The following CTTNBP2 variants were observed in gnomAD, a reference collection of about 807,000 sequenced individuals.
CTTNBP2 encodes the protein cortactin-binding protein 2.
A neutral mutation model predicts 156.9 loss-of-function variants in CTTNBP2; 108 were observed. The ratio of observed to expected loss-of-function variants is 0.69; its 90% CI spans 0.59 to 0.81. The LOEUF (loss-of-function observed/expected upper bound fraction) is 0.81, where lower values mean the gene tolerates loss of function less well. CTTNBP2 is among the 30% of genes least tolerant of loss of function. The pLI is 0.00. For synonymous variants in CTTNBP2, 767 were observed against 751.8 expected (o/e 1.02, Z -0.33); for missense variants, 1,924 against 2,035.4 (o/e 0.95, Z 1.05).
intron 3 of CTTNBP2, 23 bp downstream of exon 3, chr7:117,810,742 T>G: frequency 6.3e-7 from 1 of 1,592,914 alleles, no homozygotes; most frequent in Non-Finnish European, 8.6e-7. Context: ...GTGGGGAAAA[T>G]GACCATTTGA....
At chr7:117,811,906 ATTAAAATTTTAATGT>A in intron 2 of CTTNBP2, among the ~76,000 whole-genome samples, 1 of 130,678 alleles carries the variant, frequency 7.7e-6, no homozygotes, top group South Asian at 2.3e-4. Flanking sequence ...TTTTAATTAA[ATTAAAATTTTAATGT>A]AAAAATTTTA....
intron 2 of CTTNBP2, among the ~76,000 whole-genome samples, chr7:117,855,049 T>C (rs1803203722): frequency 6.6e-6 from 1 of 151,978 alleles, no homozygotes; most frequent in African/African-American, 2.4e-5. Context: ...CTCCCCAAAG[T>C]GCTGGGATTG....
intron 20 of CTTNBP2, among the ~76,000 whole-genome samples, chr7:117,720,123 G>T (rs1344160797): frequency 6.6e-6 from 1 of 152,096 alleles, no homozygotes; most frequent in Non-Finnish European, 1.5e-5. Context: ...GCTGTTGCAG[G>T]TCATGGATCT....
chr7:117,857,662 C>T (rs990821529), intron 2 of CTTNBP2, among the ~76,000 whole-genome samples: 2 of 151,834 alleles, frequency 1.3e-5, no homozygotes, highest in Non-Finnish European at 2.9e-5. Flanking sequence ...AAACTATTTA[C>T]TATTTTCAGA....
chr7:117,805,376 G>A (rs891959642), intron 3 of CTTNBP2, among the ~76,000 whole-genome samples: 1 of 152,148 alleles, frequency 6.6e-6, no homozygotes, highest in Non-Finnish European at 1.5e-5. Flanking sequence ...CCACCGAGTG[G>A]CTATAGGAAA....
At chr7:117,859,061 T>C (rs1436895133) in intron 2 of CTTNBP2, among the ~76,000 whole-genome samples, 2 of 152,162 alleles carry the variant, frequency 1.3e-5, no homozygotes, top group Non-Finnish European at 2.9e-5. Context: ...TACATCATAT[T>C]TTATTTTAAA....
intron 8 of CTTNBP2, among the ~76,000 whole-genome samples, chr7:117,773,648 AACAC>A (rs71528190): frequency 0.096 from 9,132 of 94,942 alleles, 448 homozygotes; most frequent in East Asian, 0.13. Flanking sequence ...GCTTAGAGTT[AACAC>A]ACACACACAC....
intron 16 of CTTNBP2, among the ~76,000 whole-genome samples, chr7:117,733,779 G>A (rs559575619): frequency 4.5e-4 from 68 of 152,064 alleles, no homozygotes; most frequent in Middle Eastern, 3.4e-3. Flanking sequence ...ACTTCTCCCC[G>A]CCACCATCTC....
In CTTNBP2 at chr7:117,862,589, A is replaced by G. The variant is rs562783143; in HGVS notation, c.82-1273T>C. Among the ~76,000 whole-genome samples the G allele has an allele frequency of 2.7e-4, 41 of 152,246 alleles. 1 individual carries two copies. In the South Asian group the frequency reaches 3.9e-3, roughly 15 times the overall value. On this transcript the variant is annotated intron_variant, in intron 1 of 22. Transcript: ENST00000160373. ...TGAGTCCAAAGGCTGAGATCCTTCC[A>G]CCAGGCACACTCTGCTCCTCCCTTC... is the stretch of plus-strand genomic sequence containing the variant.
At chr7:117,796,823 G>T (rs545504392) in intron 3 of CTTNBP2, among the ~76,000 whole-genome samples, 3 of 152,270 alleles carry the variant, frequency 2.0e-5, no homozygotes, top group East Asian at 3.9e-4. Flanking sequence ...TTAGATAGGG[G>T]TTATAATTTA....
chr7:117,779,140 C>T (rs1798264703), intron 7 of CTTNBP2, among the ~76,000 whole-genome samples: 1 of 152,116 alleles, frequency 6.6e-6, no homozygotes, highest in Admixed American at 6.5e-5. Context: ...GACTATGGAG[C>T]TTCAATCAGC....
chr7:117,757,767 C>T (rs1796967434), intron 11 of CTTNBP2, 108 bp downstream of exon 11: 11 of 655,172 alleles, frequency 1.7e-5, no homozygotes, highest in South Asian at 1.3e-4. Context: ...CTCACATGTG[C>T]GTGGCTAGAA....
At chr7:117,781,626 T>C (rs1392256140) in intron 6 of CTTNBP2, among the ~76,000 whole-genome samples, 3 of 152,174 alleles carry the variant, frequency 2.0e-5, no homozygotes, top group Non-Finnish European at 4.4e-5. Context: ...TAGTCCCAGC[T>C]ACTCGGGAGG....
At chr7:117,807,298 C>T (rs1416378841) in intron 3 of CTTNBP2, among the ~76,000 whole-genome samples, 1 of 152,098 alleles carries the variant, frequency 6.6e-6, no homozygotes, top group African/African-American at 2.4e-5. Flanking sequence ...GATTCTCTAC[C>T]ATGGTATTAC....
chr7:117,719,514 T>G lies in CTTNBP2; in HGVS notation c.4634A>C (p.Asp1545Ala), dbSNP rs1470608657. ...QSMCSSKSES[D>A]ISKIADSRDD... ...ATTTGTACTGCTCACCTTGCTGATA[T>G]CAGACTCAGACTTGCTGGAGCACAT... The change falls in exon 21 of 23, where the codon GAT becomes GCT. Residue 1545 changes from aspartate (D) to alanine (A), a missense_variant. Physicochemically the swap from Asp to Ala is moderately radical, Grantham distance 126. Coordinates refer to ENST00000160373, the MANE Select transcript of CTTNBP2 (RefSeq NM_033427.3). 1.2e-6 allele frequency: 2 copies of G among 1,613,632 alleles called. No homozygotes were observed. Among genetic ancestry groups the G allele is most frequent in the Non-Finnish European group, 1.7e-6 (2 of 1,179,768 alleles).
intron 16 of CTTNBP2, among the ~76,000 whole-genome samples, chr7:117,730,279 G>C (rs559027049): frequency 6.6e-5 from 10 of 152,260 alleles, no homozygotes; most frequent in African/African-American, 2.2e-4. Context: ...TGTGACCACA[G>C]ATAGAGAGGC....
chr7:117,860,363 G>A (rs1803638723), intron 2 of CTTNBP2, among the ~76,000 whole-genome samples: 1 of 150,408 alleles, frequency 6.6e-6, no homozygotes, highest in South Asian at 2.1e-4. Context: ...TTTTTTTTGA[G>A]ATGGAGTCTT....
At chr7:117,743,761 CAAAAAAAAAAAAAAAA>C (rs556372208) in intron 14 of CTTNBP2, among the ~76,000 whole-genome samples, 6 of 19,624 alleles carry the variant, frequency 3.1e-4, no homozygotes, top group African/African-American at 5.9e-4. Flanking sequence ...GACTCTGTCT[CAAAAAAAAAAAAAAAA>C]AAAAAAAAAA....
chr7:117,744,498 T>C (rs118030351), intron 14 of CTTNBP2, among the ~76,000 whole-genome samples: 1,683 of 152,350 alleles, frequency 0.011, 18 homozygotes, highest in Non-Finnish European at 0.018. Context: ...TCCGTGTTGT[T>C]GCAAATGACA....
Sources: allele counts gnomAD v4.1 joint callset (sites outside exome capture counted in the v4.1 genomes callset), GRCh38; gene constraint gnomAD v4.1.1; transcripts MANE v1.5; gene names NCBI Gene and HGNC (gene_info 2026-07-23, HGNC 2026-07-21).